SPOCK3: variants seen among roughly 807,000 people sequenced by gnomAD.
The protein encoded by SPOCK3 is SPARC (osteonectin), cwcv and kazal like domains proteoglycan 3, also known as testican-3.
A neutral mutation model predicts 56.6 loss-of-function variants in SPOCK3; 30 were observed. That is an observed-to-expected ratio of 0.53 (90% CI 0.40 to 0.72). The LOEUF is 0.72. Among genes scored for constraint, SPOCK3 ranks in the 30% least tolerant of loss-of-function variants. The pLI is 0.00. For synonymous variants in SPOCK3, 196 were observed against 183.3 expected, an observed-to-expected ratio of 1.07 and a Z score of -0.56; for missense variants, 527 against 530.0, an observed-to-expected ratio of 0.99 and a Z score of 0.06.
At chr4:166,880,566 T>C (rs1215579039) in intron 6 of SPOCK3, among the ~76,000 whole-genome samples, 2 of 152,206 alleles carry the variant, frequency 1.3e-5, no homozygotes, top group Non-Finnish European at 2.9e-5. Flanking sequence ...GGTTTGGCCA[T>C]TGACACCTTA....
At chr4:167,176,563 C>A (rs1355670497) in intron 2 of SPOCK3, among the ~76,000 whole-genome samples, 1 of 152,000 alleles carries the variant, frequency 6.6e-6, no homozygotes, top group East Asian at 1.9e-4. Context: ...GTCAATGTAT[C>A]TTCACAGTAT....
intron 4 of SPOCK3, among the ~76,000 whole-genome samples, chr4:166,932,561 A>G (rs935859198): frequency 3.9e-5 from 6 of 152,184 alleles, no homozygotes; most frequent in African/African-American, 1.4e-4. Flanking sequence ...TGGAAGTTGT[A>G]TTATGTTTTA....
chr4:166,953,308 T>C (rs1191935368), intron 4 of SPOCK3, among the ~76,000 whole-genome samples: 15 of 152,304 alleles, frequency 9.8e-5, no homozygotes, highest in African/African-American at 9.6e-5. Context: ...AGAAGACATT[T>C]ATGCAGCCAG....
intron 4 of SPOCK3, among the ~76,000 whole-genome samples, chr4:166,976,346 A>G (rs1745946267): frequency 6.6e-6 from 1 of 152,144 alleles, no homozygotes; most frequent in Non-Finnish European, 1.5e-5. Context: ...CCAGCCATCA[A>G]CATCTCCCAC....
intron 2 of SPOCK3, among the ~76,000 whole-genome samples, chr4:167,077,593 T>C (rs1210984571): frequency 6.6e-6 from 1 of 151,964 alleles, no homozygotes; most frequent in Admixed American, 6.6e-5. Flanking sequence ...TGCTTCCCTG[T>C]TCCTTCTTTT....
chr4:166,928,498 A>C (rs573585689), intron 4 of SPOCK3, among the ~76,000 whole-genome samples: 74 of 152,334 alleles, frequency 4.9e-4, no homozygotes, highest in African/African-American at 1.7e-3. Flanking sequence ...TATGAGACAC[A>C]AAAAAGATCA....
At chr4:166,814,071 A>G (rs577205630) in intron 6 of SPOCK3, among the ~76,000 whole-genome samples, 2 of 152,126 alleles carry the variant, frequency 1.3e-5, no homozygotes, top group African/African-American at 4.8e-5. Flanking sequence ...TTACAAATTG[A>G]TAACTTTCTG....
intron 4 of SPOCK3, among the ~76,000 whole-genome samples, chr4:166,935,666 G>T (rs775173707): frequency 6.6e-6 from 1 of 152,078 alleles, no homozygotes; most frequent in Non-Finnish European, 1.5e-5. Flanking sequence ...TGAGCATAAG[G>T]GTTAATATGA....
intron 4 of SPOCK3, among the ~76,000 whole-genome samples, chr4:166,979,114 A>G (rs532616741): frequency 6.6e-6 from 1 of 152,300 alleles, no homozygotes; most frequent in African/African-American, 2.4e-5. Flanking sequence ...TTTCCTGGAA[A>G]AAAATCCCTT....
At chr4:167,072,695 T>C (rs1467074263) in intron 2 of SPOCK3, among the ~76,000 whole-genome samples, 5 of 151,942 alleles carry the variant, frequency 3.3e-5, no homozygotes, top group Non-Finnish European at 7.4e-5. Flanking sequence ...TTTCTGACCA[T>C]CAGTATCTCA....
At chr4:166,737,186 G>A (rs942607021) in intron 10 of SPOCK3, among the ~76,000 whole-genome samples, 1 of 152,098 alleles carries the variant, frequency 6.6e-6, no homozygotes, top group African/African-American at 2.4e-5. Flanking sequence ...TAGCTGAGAG[G>A]AAAAGAAGTA....
At chr4:167,160,797 C>T (rs924913074) in intron 2 of SPOCK3, among the ~76,000 whole-genome samples, 2 of 152,108 alleles carry the variant, frequency 1.3e-5, no homozygotes, top group African/African-American at 4.8e-5. Flanking sequence ...GGAAAGGACT[C>T]CCTATTTAAT....
At position 166,842,413 on chromosome 4, in the gene SPOCK3, G is replaced by C. The variant is rs561961379; in HGVS notation, c.589+46717C>G. Among the ~76,000 whole-genome samples, 30 of 152,264 alleles carry C rather than the reference G, an allele frequency of 2.0e-4. 1 individual carries two copies. The Middle Eastern group carries it at 0.01, about 52-fold the overall frequency. ...TTACAATCCCTAAGCTAGACACAGA[G>C]TGCTGATTGGTGCATTTACTATCCT... On this transcript the variant is annotated intron_variant, in intron 6 of 10. Transcript: ENST00000357545.
intron 4 of SPOCK3, among the ~76,000 whole-genome samples, chr4:166,989,513 C>T (rs1747542243): frequency 2.0e-5 from 3 of 152,094 alleles, no homozygotes; most frequent in African/African-American, 4.8e-5. Context: ...TTATGTGCTA[C>T]AGCTTTTTCT....
intron 4 of SPOCK3, among the ~76,000 whole-genome samples, chr4:166,944,768 C>G (rs1741518299): frequency 1.3e-5 from 2 of 152,042 alleles, no homozygotes; most frequent in South Asian, 4.2e-4. Flanking sequence ...TAACTTCTAT[C>G]ACTAGATTAT....
chr4:167,110,049 C>T (rs1561226509), intron 2 of SPOCK3, among the ~76,000 whole-genome samples: 1 of 151,966 alleles, frequency 6.6e-6, no homozygotes, highest in Non-Finnish European at 1.5e-5. Context: ...TTGGGTAAAG[C>T]ATAATTCTTT....
At chr4:166,809,006 T>C (rs992794284) in intron 6 of SPOCK3, among the ~76,000 whole-genome samples, 1 of 152,072 alleles carries the variant, frequency 6.6e-6, no homozygotes, top group African/African-American at 2.4e-5. Context: ...ATTTGCTTCT[T>C]ACACATCTTT....
chr4:166,746,993 G>A (rs1180857684), intron 8 of SPOCK3, among the ~76,000 whole-genome samples: 1 of 152,006 alleles, frequency 6.6e-6, no homozygotes, highest in Non-Finnish European at 1.5e-5. Flanking sequence ...CAATAATTAA[G>A]AGCCTACCAA....
intron 2 of SPOCK3, among the ~76,000 whole-genome samples, chr4:167,097,964 T>C (rs1301329070): frequency 6.6e-6 from 1 of 152,000 alleles, no homozygotes; most frequent in African/African-American, 2.4e-5. Flanking sequence ...AAATAATGCA[T>C]AATTAACCTT....
Sources: allele counts gnomAD v4.1 joint callset (sites outside exome capture counted in the v4.1 genomes callset), GRCh38; gene constraint gnomAD v4.1.1; transcripts MANE v1.5; gene names NCBI Gene and HGNC (gene_info 2026-07-23, HGNC 2026-07-21).